CPHXL2: variants seen among roughly 807,000 people sequenced by gnomAD.
CPHXL2 encodes cytoplasmic polyadenylated homeobox-like protein 2.
chr16:75,664,639 A>AAG, the CPHXL2 span, among the ~76,000 whole-genome samples: 6 of 150,940 alleles, frequency 4.0e-5, no homozygotes, highest in Non-Finnish European at 8.8e-5. Flanking sequence ...AAAAAAAAAA[A>AAG]AAAGAAAGAA....
At chr16:75,675,064 C>G in the CPHXL2 span, among the ~76,000 whole-genome samples, 4 of 150,864 alleles carry the variant, frequency 2.7e-5, no homozygotes, top group African/African-American at 9.7e-5. Context: ...TGGTGGGCAC[C>G]TGTAGTCACA....
At chr16:75,671,361 C>A in the CPHXL2 span, among the ~76,000 whole-genome samples, 107 of 126,318 alleles carry the variant, frequency 8.5e-4, no homozygotes, top group East Asian at 8.9e-4. Flanking sequence ...GACTCTGTAT[C>A]AAAAAAAAAA....
At chr16:75,666,608 CAAAA>C in the CPHXL2 span, among the ~76,000 whole-genome samples, 25 of 65,112 alleles carry the variant, frequency 3.8e-4, no homozygotes, top group African/African-American at 1.0e-3. Flanking sequence ...AACTCTATCT[CAAAA>C]AAAAAAAAAA....
the CPHXL2 span, among the ~76,000 whole-genome samples, chr16:75,663,029 T>C: frequency 6.6e-6 from 1 of 152,186 alleles, no homozygotes; most frequent in East Asian, 1.9e-4. Context: ...CTCGATCTCC[T>C]GACCTCATGA....
At chr16:75,668,452 C>T in the CPHXL2 span, among the ~76,000 whole-genome samples, 3 of 152,122 alleles carry the variant, frequency 2.0e-5, no homozygotes, top group African/African-American at 7.2e-5. Flanking sequence ...TGGTCTCAAA[C>T]TCCTGACCTC....
At chr16:75,663,885 CAAA>C in the CPHXL2 span, among the ~76,000 whole-genome samples, 4 of 85,470 alleles carry the variant, frequency 4.7e-5, no homozygotes, top group Admixed American at 2.3e-4. Flanking sequence ...GACTCTGTCT[CAAA>C]AAAAAAAAAA....
At chr16:75,673,587 G>A in the CPHXL2 span, among the ~76,000 whole-genome samples, 1 of 152,030 alleles carries the variant, frequency 6.6e-6, no homozygotes, top group African/African-American at 2.4e-5. Flanking sequence ...GCACACCTAG[G>A]GCCTAAACTA....
At chr16:75,661,165 CTGGGAAATCG>C in the CPHXL2 span, 1 of 400,814 alleles carries the variant, frequency 2.5e-6, no homozygotes, top group Non-Finnish European at 4.4e-6. Flanking sequence ...CAGGCTTGGA[CTGGGAAATCG>C]TGTTTTTTCC....
the CPHXL2 span, among the ~76,000 whole-genome samples, chr16:75,663,186 C>A: frequency 0.013 from 1,905 of 152,186 alleles, 49 homozygotes; most frequent in African/African-American, 0.043. Flanking sequence ...ATTTCCATGC[C>A]CTGTGCTACT....
At chr16:75,667,323 A>C in the CPHXL2 span, among the ~76,000 whole-genome samples, 1 of 151,932 alleles carries the variant, frequency 6.6e-6, no homozygotes, top group Non-Finnish European at 1.5e-5. Context: ...AAAAAAAAAA[A>C]AAAAAAATTA....
the CPHXL2 span, among the ~76,000 whole-genome samples, chr16:75,663,561 G>A: frequency 1.3e-5 from 2 of 152,144 alleles, no homozygotes; most frequent in African/African-American, 4.8e-5. Flanking sequence ...TGGGATTACT[G>A]ATAAAACAGT....
At chr16:75,674,298 G>A in the CPHXL2 span, among the ~76,000 whole-genome samples, 192 of 149,792 alleles carry the variant, frequency 1.3e-3, no homozygotes, top group African/African-American at 3.5e-3. Context: ...GTGTGAACCC[G>A]GGAGGCGGAG....
At chr16:75,664,166 G>A in the CPHXL2 span, among the ~76,000 whole-genome samples, 5 of 152,080 alleles carry the variant, frequency 3.3e-5, no homozygotes, top group African/African-American at 9.7e-5. Flanking sequence ...TACATGTATC[G>A]ACTGATGCCT....
chr16:75,669,635 T>A, the CPHXL2 span: 1 of 397,670 alleles, frequency 2.5e-6, no homozygotes, highest in Non-Finnish European at 4.4e-6. Context: ...TTAGCACCAT[T>A]GATTCCCTCC....
the CPHXL2 span, among the ~76,000 whole-genome samples, chr16:75,666,061 A>G: frequency 6.6e-6 from 1 of 152,206 alleles, no homozygotes; most frequent in African/African-American, 2.4e-5. Context: ...AAGAACTCAC[A>G]TAAACTTAAG....
the CPHXL2 span, among the ~76,000 whole-genome samples, chr16:75,664,640 A>AG: frequency 6.6e-6 from 1 of 150,444 alleles, no homozygotes; most frequent in Non-Finnish European, 1.5e-5. Context: ...AAAAAAAAAA[A>AG]AAGAAAGAAA....
chr16:75,669,891 C>G, the CPHXL2 span, among the ~76,000 whole-genome samples: 6 of 152,210 alleles, frequency 3.9e-5, no homozygotes, highest in Non-Finnish European at 8.8e-5. Context: ...AGGGTCCACA[C>G]AGCCTAACAT....
At chr16:75,674,197 C>A in the CPHXL2 span, among the ~76,000 whole-genome samples, 2 of 150,690 alleles carry the variant, frequency 1.3e-5, no homozygotes, top group Admixed American at 1.3e-4. Flanking sequence ...CACAGTGAAA[C>A]CCCATCTCTA....
the CPHXL2 span, among the ~76,000 whole-genome samples, chr16:75,662,994 G>T: frequency 4.6e-5 from 7 of 152,024 alleles, no homozygotes; most frequent in Non-Finnish European, 1.0e-4. Context: ...TAGAGACGGG[G>T]TTTCACCGTG....
Sources: gnomAD v4.1 joint callset for allele counts (sites outside exome capture counted in the v4.1 genomes callset) on GRCh38, gnomAD v4.1.1 for gene constraint, MANE v1.5 for transcripts, NCBI Gene and HGNC (gene_info 2026-07-23, HGNC 2026-07-21) for gene names.